GLRA2: variants seen among roughly 807,000 people sequenced by gnomAD.
GLRA2 encodes glycine receptor subunit alpha-2.
Under a neutral mutation model 31.6 loss-of-function variants are expected in GLRA2, and 11 were observed. The observed-to-expected ratio is 0.35, with a 90% CI of 0.22 to 0.58. The LOEUF (loss-of-function observed/expected upper bound fraction) is 0.58, where lower values mean the gene tolerates loss of function less well. GLRA2 is among the 20% of genes least tolerant of loss of function. The pLI, the probability that GLRA2 is intolerant of heterozygous loss-of-function variation, is 0.84. For synonymous variants in GLRA2, 132 were observed against 134.0 expected, an observed-to-expected ratio of 0.99 and a Z score of 0.10; for missense variants, 212 against 351.8, an observed-to-expected ratio of 0.60 and a Z score of 3.18.
At chrX:14,473,509 G>A in the GLRA2 span, among the ~76,000 whole-genome samples, 1 of 111,989 alleles carries the variant, frequency 8.9e-6, no homozygotes, top group African/African-American at 3.2e-5. Flanking sequence ...GCTATTTATG[G>A]CCTGTCCATG....
chrX:14,719,316 A>G (rs2091834733), intron 8 of GLRA2, among the ~76,000 whole-genome samples: 2 of 112,015 alleles, frequency 1.8e-5, no homozygotes, highest in Admixed American at 9.5e-5. Context: ...ATAAGGGATC[A>G]ATATCAAAAA....
At chrX:14,580,678 G>A (rs1042488763) in intron 3 of GLRA2, among the ~76,000 whole-genome samples, 1 of 112,138 alleles carries the variant, frequency 8.9e-6, no homozygotes, top group Admixed American at 9.4e-5. Flanking sequence ...TAATGTTTAC[G>A]TTGATAAATT....
chrX:14,561,138 A>G (rs773315452), intron 2 of GLRA2, among the ~76,000 whole-genome samples: 1 of 111,780 alleles, frequency 8.9e-6, no homozygotes, highest in East Asian at 2.8e-4. Flanking sequence ...TTCAGGCTTG[A>G]TGGTTTTTCA....
At chrX:14,592,611 G>T (rs980841457) in intron 4 of GLRA2, among the ~76,000 whole-genome samples, 2 of 111,386 alleles carry the variant, frequency 1.8e-5, no homozygotes, top group African/African-American at 6.5e-5. Context: ...AGTCGAGGCT[G>T]TAGTGAGCCA....
chrX:14,530,966 T>C (rs2089247024), intron 1 of GLRA2: 1 of 859,715 alleles, frequency 1.2e-6, no homozygotes, highest in East Asian at 8.0e-5. Flanking sequence ...TGGCATTTTT[T>C]CACAGAACCA....
intron 8 of GLRA2, among the ~76,000 whole-genome samples, chrX:14,696,219 CGAGG>C (rs1200899310): frequency 8.6e-4 from 30 of 34,914 alleles, no homozygotes; most frequent in Non-Finnish European, 1.4e-3. Flanking sequence ...AGGGAGAGTG[CGAGG>C]GAGGGAGGGA....
At chrX:14,452,222 C>A in the GLRA2 span, among the ~76,000 whole-genome samples, 4 of 112,472 alleles carry the variant, frequency 3.6e-5, no homozygotes, top group African/African-American at 1.3e-4. Flanking sequence ...AAGAACCACT[C>A]ACTCAAAATA....
chrX:14,547,444 C>T (rs1458293965), intron 2 of GLRA2, among the ~76,000 whole-genome samples: 2 of 111,349 alleles, frequency 1.8e-5, no homozygotes, highest in Non-Finnish European at 3.8e-5. Context: ...AGGTTCTTTA[C>T]TACATCTGTC....
chrX:14,559,694 T>G (rs1408522399), intron 2 of GLRA2, among the ~76,000 whole-genome samples: 1 of 109,720 alleles, frequency 9.1e-6, no homozygotes, highest in Non-Finnish European at 1.9e-5. Context: ...GCTGGGATTA[T>G]AGACATGAGC....
chrX:14,634,507 C>A (rs751294874), intron 7 of GLRA2, among the ~76,000 whole-genome samples: 4 of 111,546 alleles, frequency 3.6e-5, no homozygotes, highest in African/African-American at 1.3e-4. Flanking sequence ...TTTATTCTGC[C>A]TTATATTATG....
chrX:14,460,582 C>T, the GLRA2 span, among the ~76,000 whole-genome samples: 4 of 110,336 alleles, frequency 3.6e-5, no homozygotes, highest in Admixed American at 9.6e-5. Context: ...ATTGGTTAAT[C>T]TTGGGAGGGT....
At chrX:14,711,565 T>C (rs1324390749) in intron 8 of GLRA2, among the ~76,000 whole-genome samples, 1 of 112,496 alleles carries the variant, frequency 8.9e-6, no homozygotes, top group African/African-American at 3.2e-5. Context: ...ACTTGCTCAT[T>C]GGAGCTCCTG....
the GLRA2 span, among the ~76,000 whole-genome samples, chrX:14,450,390 GC>G: frequency 5.4e-5 from 6 of 111,641 alleles, no homozygotes; most frequent in African/African-American, 2.0e-4. Context: ...GCCTGCCAAC[GC>G]CCCACTTAGG....
At chrX:14,561,083 C>T in intron 2 of GLRA2, among the ~76,000 whole-genome samples, 1 of 111,716 alleles carries the variant, frequency 9.0e-6, no homozygotes, top group Non-Finnish European at 1.9e-5. Flanking sequence ...AGCCCTGTTT[C>T]ACTTCCATAC....
At chrX:14,464,260 C>T in the GLRA2 span, among the ~76,000 whole-genome samples, 1 of 111,901 alleles carries the variant, frequency 8.9e-6, no homozygotes, top group African/African-American at 3.3e-5. Context: ...TTTTCCCAGA[C>T]CAATATCCTG....
chrX:14,719,406 A>G (rs1466313262), intron 8 of GLRA2, among the ~76,000 whole-genome samples: 1 of 112,207 alleles, frequency 8.9e-6, no homozygotes, highest in Non-Finnish European at 1.9e-5. Context: ...CTGAATAGAC[A>G]TTTCTCAAAA....
chrX:14,703,950 C>T lies in GLRA2; in HGVS notation c.1080+13091C>T, dbSNP rs758495891. 8.0e-5 allele frequency among the ~76,000 whole-genome samples: 9 copies of T among 111,972 alleles called. No individual in the cohort carries two copies. In the South Asian group the frequency reaches 3.0e-3, roughly 37 times the overall value. The stretch of plus-strand genomic sequence containing the variant: ...TGTTGCCTCCCAAGTAAACCTCTTG[C>T]ATGCAATCCCTCATCTCAGGGTTGC... On this transcript the variant is annotated intron_variant, in intron 8 of 8. Coordinates refer to ENST00000218075, the MANE Select transcript of GLRA2 (RefSeq NM_002063.4).
intron 8 of GLRA2, among the ~76,000 whole-genome samples, chrX:14,696,733 G>A (rs1242120355): frequency 8.9e-6 from 1 of 111,991 alleles, no homozygotes; most frequent in Non-Finnish European, 1.9e-5. Context: ...AAAAAGATAT[G>A]GTTTGGGCAT....
chrX:14,724,626 C>CAAAAAAAAAA lies in GLRA2; in HGVS notation c.1081-5564_1081-5555dup, dbSNP rs758722703. Among the ~76,000 whole-genome samples, 23 of 49,577 alleles carry CAAAAAAAAAA rather than the reference C, an allele frequency of 4.6e-4. 1 individual carries two copies. Among genetic ancestry groups the CAAAAAAAAAA allele is most frequent in the East Asian group, 1.9e-3 (1 of 521 alleles). The allele number at this position is 49,577 out of a possible 115,157, so 43.1% of individuals were successfully genotyped here. ...GGGTGACAAAAGCAAAACTCTGTCT[C>CAAAAAAAAAA]AAAAAAAAAAAAAAAAAAAAAAAAA... On this transcript the variant is annotated intron_variant, in intron 8 of 8. Coordinates refer to ENST00000218075, the MANE Select transcript of GLRA2 (RefSeq NM_002063.4).
Sources: allele counts gnomAD v4.1 joint callset (sites outside exome capture counted in the v4.1 genomes callset), GRCh38; gene constraint gnomAD v4.1.1; transcripts MANE v1.5; gene names NCBI Gene and HGNC (gene_info 2026-07-23, HGNC 2026-07-21).